Variants in PDE10A observed in about 807,000 individuals in gnomAD.
The protein encoded by PDE10A is cAMP and cAMP-inhibited cGMP 3',5'-cyclic phosphodiesterase 10A.
A neutral mutation model predicts 97.7 loss-of-function variants in PDE10A; 39 were observed. The ratio of observed to expected loss-of-function variants is 0.40; its 90% CI spans 0.31 to 0.52. The LOEUF is 0.52. PDE10A is among the 20% of genes least tolerant of loss of function. The pLI is 0.56. For synonymous variants in PDE10A, 371 were observed against 376.8 expected (o/e 0.98, Z 0.18); for missense variants, 731 against 1,047.8 (o/e 0.70, Z 4.17).
chr6:165,526,974 T>C (rs1782485184), intron 2 of PDE10A, among the ~76,000 whole-genome samples: 1 of 152,198 alleles, frequency 6.6e-6, no homozygotes. Flanking sequence ...ACTGATGACA[T>C]TATGCTGATT....
intron 17 of PDE10A, among the ~76,000 whole-genome samples, chr6:165,387,006 ACT>A (rs1785354673): frequency 1.3e-5 from 2 of 151,776 alleles, no homozygotes; most frequent in African/African-American, 4.8e-5. Flanking sequence ...ACACAGCGAG[ACT>A]CTGTCTCAAA....
chr6:165,904,522 C>G (rs942239463), intron 1 of PDE10A, among the ~76,000 whole-genome samples: 1 of 152,140 alleles, frequency 6.6e-6, no homozygotes, highest in African/African-American at 2.4e-5. Context: ...AAAATAAAGT[C>G]TCGCTCAATA....
At chr6:165,516,100 T>A (rs1056850456) in intron 2 of PDE10A, among the ~76,000 whole-genome samples, 1 of 152,200 alleles carries the variant, frequency 6.6e-6, no homozygotes, top group Non-Finnish European at 1.5e-5. Context: ...TCAAATAATA[T>A]TCCAAATAGT....
chr6:165,509,595 T>G (rs904719983), intron 2 of PDE10A, among the ~76,000 whole-genome samples: 1 of 151,836 alleles, frequency 6.6e-6, no homozygotes, highest in Non-Finnish European at 1.5e-5. Context: ...GATTTTTTTT[T>G]TTTATTTTTG....
intron 18 of PDE10A, among the ~76,000 whole-genome samples, chr6:165,367,754 A>G (rs573717805): frequency 6.6e-6 from 1 of 152,178 alleles, no homozygotes; most frequent in African/African-American, 2.4e-5. Flanking sequence ...AAGTCCAGTG[A>G]AAATATCTTT....
intron 1 of PDE10A, among the ~76,000 whole-genome samples, chr6:165,778,884 T>C (rs1368485876): frequency 6.6e-6 from 1 of 152,208 alleles, no homozygotes; most frequent in East Asian, 1.9e-4. Context: ...TTTTTAGAAA[T>C]TGATTTTAAG....
chr6:165,860,645 T>C (rs991330813), intron 1 of PDE10A, among the ~76,000 whole-genome samples: 9 of 152,188 alleles, frequency 5.9e-5, no homozygotes, highest in African/African-American at 2.2e-4. Context: ...GCAAAAGCAA[T>C]GACAGTGTTG....
At chr6:165,625,137 ATGGGGAGGACTC>A (rs1241696007) in intron 1 of PDE10A, among the ~76,000 whole-genome samples, 1 of 152,128 alleles carries the variant, frequency 6.6e-6, no homozygotes, top group Non-Finnish European at 1.5e-5. Flanking sequence ...ATTCAGGGCA[ATGGGGAGGACTC>A]TGGATTTGAC....
At chr6:165,625,215 G>A (rs950914149) in intron 1 of PDE10A, among the ~76,000 whole-genome samples, 20 of 152,216 alleles carry the variant, frequency 1.3e-4, no homozygotes, top group East Asian at 1.9e-4. Flanking sequence ...CTGGCCCTGC[G>A]CAAGGCTCAC....
intron 1 of PDE10A, among the ~76,000 whole-genome samples, chr6:165,563,888 CAAA>C (rs36101210): frequency 1.8e-5 from 2 of 112,276 alleles, no homozygotes; most frequent in Admixed American, 9.4e-5. Context: ...GAGACTGTCT[CAAA>C]AAAAAAAAAA....
chr6:165,671,151 A>G lies in PDE10A; in HGVS notation c.-614-127583T>C, dbSNP rs1031582798. Among the ~76,000 whole-genome samples the G allele has an allele frequency of 6.7e-6, 1 of 148,896 alleles. No homozygotes were observed. The highest frequency in any genetic ancestry group is 2.5e-5 in the African/African-American group (1 of 39,656). The stretch of plus-strand genomic sequence containing the variant: ...AACGTTCACTAATTTTTTTTTTTTT[A>G]AGAATCAACAACAAATGATGCTTGC... On this transcript the variant is annotated intron_variant, in intron 1 of 19. Transcript: ENST00000366882. This position sits in a 1 kb window ranked among gnomAD's most constrained non-coding sequence, Gnocchi z 4.6.
At position 165,634,893 on chromosome 6, in the gene PDE10A, G is replaced by A. The variant is rs115635205; in HGVS notation, c.865+27054C>T. Among the ~76,000 whole-genome samples, 714 of 152,254 alleles carry A rather than the reference G, an allele frequency of 4.7e-3. 7 individuals are homozygous for A. Among genetic ancestry groups the A allele is most frequent in the African/African-American group, 0.016 (684 of 41,570 alleles). ...GTCCCCAGAACCCATGCTTCACACT[G>A]GCTAGTTCCACATGGCATGGTCCAG... On this transcript the variant is annotated intron_variant, in intron 1 of 21. Coordinates refer to ENST00000539869, the MANE Select transcript of PDE10A (RefSeq NM_001385079.1).
intron 1 of PDE10A, among the ~76,000 whole-genome samples, chr6:165,714,485 G>T (rs921373191): frequency 1.3e-5 from 2 of 152,044 alleles, no homozygotes; most frequent in Non-Finnish European, 2.9e-5. Context: ...GACAGAGATC[G>T]ACACTCAGCT....
chr6:165,560,800 G>A (rs985600241), intron 1 of PDE10A, among the ~76,000 whole-genome samples: 5 of 152,096 alleles, frequency 3.3e-5, no homozygotes, highest in Admixed American at 2.0e-4. Context: ...TTGAACTGTG[G>A]CCCCAGGTGT....
chr6:165,958,817 A>G (rs1374990884), intron 1 of PDE10A, among the ~76,000 whole-genome samples: 1 of 152,176 alleles, frequency 6.6e-6, no homozygotes, highest in Non-Finnish European at 1.5e-5. Flanking sequence ...GGCTTTCAAT[A>G]TCACTCATCA....
chr6:165,474,841 A>C (rs930073086), intron 3 of PDE10A, among the ~76,000 whole-genome samples: 2 of 152,220 alleles, frequency 1.3e-5, no homozygotes, highest in African/African-American at 4.8e-5. Flanking sequence ...AGACTCCATA[A>C]GGAAAAATTT....
chr6:165,708,329 C>A (rs1791772357), intron 1 of PDE10A, among the ~76,000 whole-genome samples: 1 of 152,118 alleles, frequency 6.6e-6, no homozygotes, highest in African/African-American at 2.4e-5. Flanking sequence ...TCCCTCTCAG[C>A]CTCACTGTGC....
chr6:165,480,038 T>G (rs535350960), intron 3 of PDE10A, among the ~76,000 whole-genome samples: 2 of 152,288 alleles, frequency 1.3e-5, no homozygotes, highest in East Asian at 1.9e-4. Flanking sequence ...CAAGACGCAA[T>G]TAGTCTGTAG....
rs370690819 is a variant in PDE10A, at chr6:165,784,110, C to T, written c.-615+203419G>A. 5.3e-5 allele frequency among the ~76,000 whole-genome samples: 8 copies of T among 151,668 alleles called. No individual in the cohort carries two copies. In the South Asian group the frequency reaches 1.5e-3, roughly 28 times the overall value. ...GCATGCACCTGTAGTCCCAGCTACT[C>T]GGGAGGCTGAGGCAGGAGAATCGCT... On this transcript the variant is annotated intron_variant, in intron 1 of 19. Coordinates refer to the PDE10A transcript ENST00000366882.
Sources: allele counts gnomAD v4.1 joint callset (sites outside exome capture counted in the v4.1 genomes callset), GRCh38; gene constraint gnomAD v4.1.1; non-coding constraint Gnocchi (gnomAD v3.1); transcripts MANE v1.5; gene names NCBI Gene and HGNC (gene_info 2026-07-23, HGNC 2026-07-21).